STK32B: variants seen among roughly 807,000 people sequenced by gnomAD.
STK32B encodes serine/threonine-protein kinase 32B.
A neutral mutation model predicts 52.6 loss-of-function variants in STK32B; 43 were observed. The ratio of observed to expected loss-of-function variants is 0.82; its 90% CI spans 0.64 to 1.05. The LOEUF (loss-of-function observed/expected upper bound fraction) is 1.05. Ranked by LOEUF, STK32B falls within the 50% of genes least tolerant of loss-of-function variation. The pLI is 0.00. For missense variants in STK32B, 621 were observed against 534.6 expected (o/e 1.16, Z -1.59); for synonymous variants, 238 against 204.3 (o/e 1.17, Z -1.41).
At chr4:5,363,646 C>T (rs1325110413) in intron 4 of STK32B, among the ~76,000 whole-genome samples, 5 of 152,190 alleles carry the variant, frequency 3.3e-5, no homozygotes, top group African/African-American at 4.8e-5. Context: ...TCAGCTGGAG[C>T]AAACATGCTC....
intron 4 of STK32B, among the ~76,000 whole-genome samples, chr4:5,364,440 C>A (rs559139908): frequency 6.6e-5 from 10 of 152,330 alleles, no homozygotes; most frequent in African/African-American, 2.4e-4. Flanking sequence ...TGGCAACATG[C>A]CTGCCAGCAA....
intron 3 of STK32B, among the ~76,000 whole-genome samples, chr4:5,216,969 A>T (rs12512465): frequency 0.59 from 89,231 of 152,088 alleles, 28,582 homozygotes; most frequent in East Asian, 0.77. Context: ...TCACCTCACA[A>T]GGTGTGTATG....
At chr4:5,350,674 C>G (rs1203566753) in intron 4 of STK32B, among the ~76,000 whole-genome samples, 1 of 152,058 alleles carries the variant, frequency 6.6e-6, no homozygotes, top group Non-Finnish European at 1.5e-5. Context: ...ATTAAACTTT[C>G]TACTTAAAAT....
intron 4 of STK32B, among the ~76,000 whole-genome samples, chr4:5,364,067 T>A (rs1426742263): frequency 6.6e-6 from 1 of 151,818 alleles, no homozygotes; most frequent in Non-Finnish European, 1.5e-5. Flanking sequence ...CCATATCACT[T>A]TGCTTCTTAA....
intron 3 of STK32B, among the ~76,000 whole-genome samples, chr4:5,246,065 C>T (rs1295545478): frequency 2.0e-5 from 3 of 152,124 alleles, no homozygotes; most frequent in Non-Finnish European, 4.4e-5. Flanking sequence ...AGTTGCTCTT[C>T]TCGAGGAGTA....
intron 3 of STK32B, among the ~76,000 whole-genome samples, chr4:5,198,483 C>T (rs926811350): frequency 6.6e-6 from 1 of 152,148 alleles, no homozygotes; most frequent in South Asian, 2.1e-4. Context: ...TCAACCAATG[C>T]TTTCTGCATG....
chr4:5,181,196 C>A (rs1720322324), intron 3 of STK32B, among the ~76,000 whole-genome samples: 1 of 152,094 alleles, frequency 6.6e-6, no homozygotes, highest in African/African-American at 2.4e-5. Context: ...ATGTTGAAAC[C>A]CTAGCCCCCA....
At chr4:5,189,347 C>A (rs1721001876) in intron 3 of STK32B, among the ~76,000 whole-genome samples, 1 of 152,208 alleles carries the variant, frequency 6.6e-6, no homozygotes, top group African/African-American at 2.4e-5. Flanking sequence ...AACAACTGAT[C>A]TTTTCAGTGT....
chr4:5,150,119 G>A (rs1717226262), intron 2 of STK32B, among the ~76,000 whole-genome samples: 1 of 152,002 alleles, frequency 6.6e-6, no homozygotes, highest in Non-Finnish European at 1.5e-5. Flanking sequence ...AGTATGTAAT[G>A]TGTCACTTTT....
the STK32B span, chr4:5,019,560 A>G: frequency 1.7e-6 from 2 of 1,180,680 alleles, no homozygotes; most frequent in Non-Finnish European, 2.2e-6. Flanking sequence ...CGGTCCATCC[A>G]GGGTGGCAGA....
At chr4:5,347,598 G>T (rs1334341816) in intron 4 of STK32B, among the ~76,000 whole-genome samples, 2 of 152,176 alleles carry the variant, frequency 1.3e-5, no homozygotes, top group Admixed American at 6.5e-5. Flanking sequence ...CTCATCCATG[G>T]AGAGTGATAT....
At position 5,418,472 on chromosome 4, in the gene STK32B, A is replaced by G. The variant is rs188172934; in HGVS notation, c.562+1538A>G. Among the ~76,000 whole-genome samples the G allele has an allele frequency of 2.2e-4, 33 of 152,398 alleles. 1 individual carries two copies. In the East Asian group the frequency reaches 3.3e-3, roughly 15 times the overall value. On this transcript the variant is annotated intron_variant, in intron 6 of 11. Coordinates refer to ENST00000282908, the MANE Select transcript of STK32B (RefSeq NM_018401.3). Reference sequence around the variant, plus strand: ...GCTGCACAAAGGTGCACAAACATTTAAAGCCCATATTTCTCCATACCTTTC... The same window carrying G: ...GCTGCACAAAGGTGCACAAACATTTGAAGCCCATATTTCTCCATACCTTTC...
chr4:5,446,584 G>A, intron 6 of STK32B, 89 bp from the exon 7 acceptor site: 2 of 975,186 alleles, frequency 2.1e-6, no homozygotes, highest in Middle Eastern at 2.2e-4. Context: ...AAAAAAACAA[G>A]CTCAATTTCT....
chr4:5,115,783 T>A (rs995481534), intron 1 of STK32B, among the ~76,000 whole-genome samples: 2 of 152,156 alleles, frequency 1.3e-5, no homozygotes, highest in Non-Finnish European at 2.9e-5. Context: ...CTGCTCTTTT[T>A]CCCTCCCAGG....
At chr4:5,209,374 A>G (rs1404218981) in intron 3 of STK32B, among the ~76,000 whole-genome samples, 2 of 151,890 alleles carry the variant, frequency 1.3e-5, no homozygotes, top group Non-Finnish European at 2.9e-5. Context: ...GGCATGTGCC[A>G]CCATGCCTGG....
intron 3 of STK32B, among the ~76,000 whole-genome samples, chr4:5,250,910 T>C (rs1377203409): frequency 6.6e-6 from 1 of 152,196 alleles, no homozygotes; most frequent in Non-Finnish European, 1.5e-5. Flanking sequence ...AATGGGGTTG[T>C]TTGCTTTTTG....
chr4:5,381,072 C>T (rs1200878937), intron 4 of STK32B, among the ~76,000 whole-genome samples: 1 of 152,192 alleles, frequency 6.6e-6, no homozygotes, highest in African/African-American at 2.4e-5. Flanking sequence ...ATGTAATCTC[C>T]ATGCAAGTAA....
intron 11 of STK32B, among the ~76,000 whole-genome samples, chr4:5,491,520 T>C (rs556270893): frequency 8.6e-5 from 13 of 151,966 alleles, no homozygotes; most frequent in South Asian, 6.2e-4. Context: ...TTCTCCCATT[T>C]TGTAGGTTGC....
chr4:5,340,707 A>G (rs1312751040), intron 4 of STK32B, among the ~76,000 whole-genome samples: 2 of 152,248 alleles, frequency 1.3e-5, no homozygotes, highest in Non-Finnish European at 2.9e-5. Context: ...TTATTAAACA[A>G]TGAATCAAGT....
Sources: gnomAD v4.1 joint callset for allele counts (sites outside exome capture counted in the v4.1 genomes callset) on GRCh38, gnomAD v4.1.1 for gene constraint, MANE v1.5 for transcripts, NCBI Gene and HGNC (gene_info 2026-07-23, HGNC 2026-07-21) for gene names.